SLCO1B1: variants seen among roughly 807,000 people sequenced by gnomAD.
SLCO1B1 encodes solute carrier organic anion transporter family member 1B1, also known as OATP-2.
Under a neutral mutation model 70.1 loss-of-function variants are expected in SLCO1B1, and 81 were observed. The observed-to-expected ratio is 1.16, with a 90% CI of 0.97 to 1.39. The LOEUF is 1.39. Among genes scored for constraint, SLCO1B1 ranks in the 40% most tolerant of loss-of-function variants. The pLI is 0.00. For missense variants in SLCO1B1, 895 were observed against 799.6 expected (o/e 1.12, Z -1.44); for synonymous variants, 283 against 271.5 (o/e 1.04, Z -0.42).
intron 8 of SLCO1B1, among the ~76,000 whole-genome samples, chr12:21,198,108 G>T (rs934943856): frequency 6.6e-6 from 1 of 152,046 alleles, no homozygotes; most frequent in Non-Finnish European, 1.5e-5. Context: ...GTGTAGCCTA[G>T]GTTCTTCCTT....
chr12:21,155,835 G>A (rs1425299631), intron 2 of SLCO1B1, among the ~76,000 whole-genome samples: 1 of 152,070 alleles, frequency 6.6e-6, no homozygotes. Flanking sequence ...AATACTGAGG[G>A]GATTACCTGT....
In SLCO1B1 at chr12:21,141,675, G is replaced by A. The variant is rs770105962; in HGVS notation, c.84+17G>A. ...GGATTGAAGGTAGAATAAGTTTTAT[G>A]TTTTTGAGCTAAAATAAGTAAATAG... On this transcript the variant is annotated intron_variant, in intron 2 of 14. Transcript: ENST00000256958. The A allele has an allele frequency of 6.6e-7, 1 of 1,524,134 alleles. No homozygotes were observed. Among genetic ancestry groups the A allele is most frequent in the Non-Finnish European group, 9.1e-7 (1 of 1,102,028 alleles). The allele number at this position is 1,524,134 out of a possible 1,614,324, so 94.4% of individuals were successfully genotyped here.
At chr12:21,137,244 G>T (rs960555526) in intron 1 of SLCO1B1, among the ~76,000 whole-genome samples, 1 of 152,116 alleles carries the variant, frequency 6.6e-6, no homozygotes, top group Non-Finnish European at 1.5e-5. Flanking sequence ...CGCCCCTACT[G>T]GGGGGTGCCT....
At chr12:21,133,126 A>T (rs1336821559) in intron 1 of SLCO1B1, among the ~76,000 whole-genome samples, 1 of 152,120 alleles carries the variant, frequency 6.6e-6, no homozygotes, top group African/African-American at 2.4e-5. Flanking sequence ...CAGGTTTGTC[A>T]AAGATCAGAT....
chr12:21,224,821 A>T lies in SLCO1B1; in HGVS notation c.1847A>T (p.Tyr616Phe). 1 of 1,584,472 alleles carries T rather than the reference A, an allele frequency of 6.3e-7. No homozygotes were observed. Among genetic ancestry groups the T allele is most frequent in the East Asian group, 2.2e-5 (1 of 44,466 alleles). The stretch of plus-strand genomic sequence containing the variant: ...GGCACACGTGGGTCATGTAGGACAT[A>T]TAATTCCACATCATTTTCGTAAGTT... ...NCGTRGSCRT[Y>F]NSTSFSRVYL... The change falls in exon 14 of 15, where the codon TAT becomes TTT. Residue 616 changes from tyrosine to phenylalanine, a missense_variant. Tyr to Phe is a conservative substitution (Grantham distance 22, BLOSUM62 3). Transcript: ENST00000256958.
At chr12:21,133,509 G>A (rs1035815069) in intron 1 of SLCO1B1, among the ~76,000 whole-genome samples, 1 of 151,992 alleles carries the variant, frequency 6.6e-6, no homozygotes, top group African/African-American at 2.4e-5. Context: ...TTATTTCATT[G>A]AGCAGTGGTT....
intron 2 of SLCO1B1, among the ~76,000 whole-genome samples, chr12:21,171,477 G>T (rs1940755367): frequency 6.6e-6 from 1 of 152,084 alleles, no homozygotes; most frequent in Non-Finnish European, 1.5e-5. Flanking sequence ...AAACAGAGGG[G>T]CAGCATGATC....
At chr12:21,183,955 G>C (rs948423969) in intron 7 of SLCO1B1, among the ~76,000 whole-genome samples, 1 of 151,684 alleles carries the variant, frequency 6.6e-6, no homozygotes, top group Non-Finnish European at 1.5e-5. Flanking sequence ...AATACATCCA[G>C]ACCTTTAGCA....
At chr12:21,172,917 T>C in intron 3 of SLCO1B1, 126 bp downstream of exon 3, 1 of 881,600 alleles carries the variant, frequency 1.1e-6, no homozygotes, top group South Asian at 1.6e-5. Context: ...ACTAAAAACA[T>C]TTGTGGTTGT....
At chr12:21,162,481 A>C (rs4149026) in intron 2 of SLCO1B1, among the ~76,000 whole-genome samples, 40,778 of 152,040 alleles carry the variant, frequency 0.27, 6,261 homozygotes, top group East Asian at 0.43. Context: ...GATACAAAAC[A>C]AATTCCTACT....
chr12:21,158,160 C>T (rs757997533), intron 2 of SLCO1B1, among the ~76,000 whole-genome samples: 60 of 152,098 alleles, frequency 3.9e-4, no homozygotes, highest in Middle Eastern at 3.4e-3. Context: ...CAAGTGTATA[C>T]CCATCCTATG....
chr12:21,172,689 A>C lies in SLCO1B1; in HGVS notation c.124A>C (p.Thr42Pro), dbSNP rs780511571. 45 of 1,613,758 alleles carry C rather than the reference A, an allele frequency of 2.8e-5. No homozygotes were observed. The highest frequency in any genetic ancestry group is 3.6e-5 in the Non-Finnish European group (43 of 1,179,894). ...TCTGTCACTCAGCTTTATTGCTAAG[A>C]CACTAGGTGCAATTATTATGAAAAG... The part of the protein sequence containing the change: ...AALSLSFIAK[T>P]LGAIIMKSSI... Residue 42 changes from threonine (T) to proline (P), a missense_variant, in exon 3 of 15, where the codon ACA becomes CCA. Coordinates refer to ENST00000256958, the MANE Select transcript of SLCO1B1 (RefSeq NM_006446.5).
At chr12:21,159,168 A>G (rs994023696) in intron 2 of SLCO1B1, among the ~76,000 whole-genome samples, 1 of 152,202 alleles carries the variant, frequency 6.6e-6, no homozygotes, top group Non-Finnish European at 1.5e-5. Flanking sequence ...TTTTCTCAAA[A>G]TACATTGAAG....
intron 7 of SLCO1B1, among the ~76,000 whole-genome samples, chr12:21,192,734 T>C (rs928797159): frequency 6.6e-6 from 1 of 152,072 alleles, no homozygotes; most frequent in African/African-American, 2.4e-5. Flanking sequence ...TATTTATCAG[T>C]GTGTACTGAG....
intron 11 of SLCO1B1, among the ~76,000 whole-genome samples, chr12:21,209,569 T>C (rs573682147): frequency 2.0e-5 from 3 of 152,322 alleles, no homozygotes; most frequent in South Asian, 2.1e-4. Flanking sequence ...TTTGGGTATA[T>C]ACCCAGTAAT....
At chr12:21,219,240 A>T (rs1222768287) in intron 12 of SLCO1B1, among the ~76,000 whole-genome samples, 6 of 152,224 alleles carry the variant, frequency 3.9e-5, no homozygotes, top group Admixed American at 2.0e-4. Flanking sequence ...AAGAGATACT[A>T]GTTCAGATAT....
chr12:21,182,949 T>C (rs74544495), intron 7 of SLCO1B1, among the ~76,000 whole-genome samples: 18,596 of 152,142 alleles, frequency 0.12, 1,512 homozygotes, highest in Non-Finnish European at 0.18. Context: ...CTAAGGGAGC[T>C]CCATGGCTCA....
Position 21,197,019 on chromosome 12 carries a change from A to G in SLCO1B1, c.801A>G (p.Leu267=). 1.2e-6 allele frequency: 2 copies of G among 1,613,694 alleles called. No individual in the cohort carries two copies. Among genetic ancestry groups the G allele is most frequent in the Non-Finnish European group, 1.7e-6 (2 of 1,179,666 alleles). Residue 267 remains leucine (L), a synonymous_variant, in exon 8 of 15, where the codon CTA becomes CTG. Transcript: ENST00000256958. Reference sequence around the variant, plus strand: ...GGCTTAATTTCCTTGTGTCTGGACTATTCTCCATTATTTCTTCCATACCAT... The same window carrying G: ...GGCTTAATTTCCTTGTGTCTGGACTGTTCTCCATTATTTCTTCCATACCAT... ...AWWLNFLVSG[L]FSIISSIPFF...
chr12:21,163,515 G>A (rs1161309409), intron 2 of SLCO1B1, among the ~76,000 whole-genome samples: 1 of 152,052 alleles, frequency 6.6e-6, no homozygotes, highest in Admixed American at 6.6e-5. Flanking sequence ...TGTCTTCTTG[G>A]TGTCTTAGTC....
Sources: allele counts gnomAD v4.1 joint callset (sites outside exome capture counted in the v4.1 genomes callset), GRCh38; gene constraint gnomAD v4.1.1; transcripts MANE v1.5; gene names NCBI Gene and HGNC (gene_info 2026-07-23, HGNC 2026-07-21).